Variants in ABCA13 observed in about 807,000 individuals in gnomAD.
ABCA13 encodes the protein ATP binding cassette subfamily A member 13, also known as ATP-binding cassette sub-family A member 13.
A neutral mutation model predicts 478.7 loss-of-function variants in ABCA13; 476 were observed. That is an observed-to-expected ratio of 0.99 (90% CI 0.92 to 1.07). The LOEUF (loss-of-function observed/expected upper bound fraction) is 1.07, where lower values mean the gene tolerates loss of function less well. ABCA13 is among the 50% of genes least tolerant of loss of function. The pLI, the probability that ABCA13 is intolerant of heterozygous loss-of-function variation, is 0.00. For synonymous variants in ABCA13, 2,252 were observed against 2,158.9 expected, an observed-to-expected ratio of 1.04 and a Z score of -1.20; for missense variants, 6,060 against 5,910.6, an observed-to-expected ratio of 1.03 and a Z score of -0.83.
chr7:48,298,248 G>T, intron 22 of ABCA13, 118 bp from the exon 23 acceptor site: 1 of 900,088 alleles, frequency 1.1e-6, no homozygotes, highest in Non-Finnish European at 1.6e-6. Context: ...AGTGATTTAT[G>T]GGTTGAATGG....
At chr7:48,353,720 T>C (rs1809426708) in intron 31 of ABCA13, among the ~76,000 whole-genome samples, 1 of 151,898 alleles carries the variant, frequency 6.6e-6, no homozygotes, top group Admixed American at 6.5e-5. Flanking sequence ...ATGCTGGTTG[T>C]ACAGGAAGGA....
At chr7:48,405,463 A>G (rs1003361275) in intron 39 of ABCA13, among the ~76,000 whole-genome samples, 2 of 152,230 alleles carry the variant, frequency 1.3e-5, no homozygotes, top group Non-Finnish European at 2.9e-5. Context: ...AAAGACATAG[A>G]AAGGGCAGAC....
At chr7:48,381,370 TACACAC>T (rs61376984) in intron 35 of ABCA13, among the ~76,000 whole-genome samples, 1 of 148,946 alleles carries the variant, frequency 6.7e-6, no homozygotes, top group Non-Finnish European at 1.5e-5. Flanking sequence ...CACATACACA[TACACAC>T]ACACACACAC....
intron 3 of ABCA13, among the ~76,000 whole-genome samples, chr7:48,211,598 G>C (rs1188138848): frequency 6.6e-6 from 1 of 152,006 alleles, no homozygotes; most frequent in Non-Finnish European, 1.5e-5. Flanking sequence ...CAGTACTGGG[G>C]CTTACCCAAG....
At chr7:48,277,493 A>G (rs1232676074) in intron 17 of ABCA13, among the ~76,000 whole-genome samples, 1 of 152,218 alleles carries the variant, frequency 6.6e-6, no homozygotes, top group Non-Finnish European at 1.5e-5. Context: ...ATCTCTTTAT[A>G]GCAACACCTA....
intron 55 of ABCA13, among the ~76,000 whole-genome samples, chr7:48,544,160 A>G (rs1466877638): frequency 6.6e-6 from 1 of 151,702 alleles, no homozygotes; most frequent in Non-Finnish European, 1.5e-5. Context: ...TAAAACGATT[A>G]TATTAGTACC....
intron 54 of ABCA13, among the ~76,000 whole-genome samples, chr7:48,527,328 G>C (rs10273407): frequency 0.16 from 24,867 of 152,002 alleles, 2,244 homozygotes; most frequent in East Asian, 0.29. Flanking sequence ...GTCCAAAATA[G>C]GGTGAGGTGA....
chr7:48,394,392 G>A (rs960134666), intron 38 of ABCA13, among the ~76,000 whole-genome samples: 3 of 152,110 alleles, frequency 2.0e-5, no homozygotes, highest in African/African-American at 7.2e-5. Context: ...GTGTTGTGAT[G>A]GGCTCCGTGT....
In ABCA13 at chr7:48,526,031, C is replaced by A. The variant is rs1300313260; in HGVS notation, c.14244+1591C>A. On this transcript the variant is annotated intron_variant, in intron 54 of 61. Transcript: ENST00000435803. ...CTTCCTTGTGGGTGTGGGGCAGGAC[C>A]CTCTCTGGAATGCAGGTCTGTCTTA... is the stretch of plus-strand genomic sequence containing the variant. 1.1e-4 allele frequency among the ~76,000 whole-genome samples: 16 copies of A among 152,074 alleles called. 1 individual carries two copies. The highest frequency in any genetic ancestry group is 3.9e-4 in the African/African-American group (16 of 41,462).
At chr7:48,200,680 G>A (rs182471004) in intron 3 of ABCA13, among the ~76,000 whole-genome samples, 46 of 152,286 alleles carry the variant, frequency 3.0e-4, no homozygotes, top group Admixed American at 1.8e-3. Context: ...AAGAGGGAGA[G>A]GGAGAAAGGA....
At chr7:48,644,799 C>A (rs1210856321) in intron 61 of ABCA13, 45 bp downstream of exon 61, 2 of 1,513,168 alleles carry the variant, frequency 1.3e-6, no homozygotes, top group South Asian at 1.4e-5. Context: ...TTGGTCTGTT[C>A]ATCAGACCTA....
chr7:48,223,985 A>AGG (rs1787776389), intron 5 of ABCA13, among the ~76,000 whole-genome samples: 1 of 146,948 alleles, frequency 6.8e-6, no homozygotes, highest in African/African-American at 2.5e-5. Flanking sequence ...AAAGAGAGAG[A>AGG]GAGAGAGAAT....
intron 55 of ABCA13, among the ~76,000 whole-genome samples, chr7:48,528,929 C>T (rs992171881): frequency 1.3e-5 from 2 of 152,178 alleles, no homozygotes; most frequent in African/African-American, 4.8e-5. Flanking sequence ...GGCCAGATGA[C>T]CCCTGCAGGC....
intron 31 of ABCA13, among the ~76,000 whole-genome samples, chr7:48,355,708 G>A (rs1246708120): frequency 6.6e-6 from 1 of 151,962 alleles, no homozygotes; most frequent in African/African-American, 2.4e-5. Flanking sequence ...GGAAGTAGAG[G>A]CAACAGAATT....
chr7:48,615,874 A>G (rs1445527218), intron 59 of ABCA13, among the ~76,000 whole-genome samples: 2 of 152,218 alleles, frequency 1.3e-5, no homozygotes, highest in Non-Finnish European at 2.9e-5. Context: ...ATGAAAGACT[A>G]AAGACTTCTT....
At chr7:48,314,770 G>A (rs1802308394) in intron 26 of ABCA13, among the ~76,000 whole-genome samples, 2 of 152,188 alleles carry the variant, frequency 1.3e-5, no homozygotes, top group African/African-American at 4.8e-5. Flanking sequence ...TAATAACGAA[G>A]AGAACTTGTC....
At chr7:48,231,656 C>CTATTATTATTATTATTATTAT (rs151023674) in intron 7 of ABCA13, among the ~76,000 whole-genome samples, 146 of 150,770 alleles carry the variant, frequency 9.7e-4, no homozygotes, top group African/African-American at 3.4e-3. Context: ...GTCTCCTGAA[C>CTATTATTATTATTATTATTAT]TATTATTATT....
intron 17 of ABCA13, among the ~76,000 whole-genome samples, chr7:48,277,494 G>A (rs1353012372): frequency 6.6e-6 from 1 of 152,102 alleles, no homozygotes; most frequent in Non-Finnish European, 1.5e-5. Context: ...TCTCTTTATA[G>A]CAACACCTAG....
chr7:48,271,473 G>T (rs1390167915), intron 16 of ABCA13, among the ~76,000 whole-genome samples: 1 of 152,104 alleles, frequency 6.6e-6, no homozygotes, highest in Non-Finnish European at 1.5e-5. Flanking sequence ...TAAATCCTAA[G>T]ATTCTTCTGG....
Sources: allele counts gnomAD v4.1 joint callset (sites outside exome capture counted in the v4.1 genomes callset), GRCh38; gene constraint gnomAD v4.1.1; transcripts MANE v1.5; gene names NCBI Gene and HGNC (gene_info 2026-07-23, HGNC 2026-07-21).